UGT1A6: variants seen among roughly 807,000 people sequenced by gnomAD.
The protein encoded by UGT1A6 is UDP-glucuronosyltransferase 1A6.
In UGT1A6, 32 loss-of-function variants were observed where a neutral mutation model predicts 44.4. The ratio of observed to expected loss-of-function variants is 0.72; its 90% CI spans 0.54 to 0.97. UGT1A6 has a LOEUF of 0.97. Ranked by LOEUF, UGT1A6 falls within the 50% of genes least tolerant of loss-of-function variation. UGT1A6 has a pLI of 0.00. For missense variants in UGT1A6, 685 were observed against 661.9 expected, an observed-to-expected ratio of 1.03 and a Z score of -0.38; for synonymous variants, 238 against 248.5, an observed-to-expected ratio of 0.96 and a Z score of 0.40.
At chr2:233,743,823 G>C (rs752406673) in intron 1 of UGT1A6, 36 of 1,367,252 alleles carry the variant, frequency 2.6e-5, no homozygotes, top group Non-Finnish European at 3.4e-5. Flanking sequence ...TTTTTGTCGG[G>C]GTGCCACTTG....
chr2:233,746,992 G>A (rs1559391678), intron 1 of UGT1A6, among the ~76,000 whole-genome samples: 2 of 151,858 alleles, frequency 1.3e-5, no homozygotes, highest in Non-Finnish European at 2.9e-5. Context: ...AGGGTCAGAT[G>A]AGTTTTTCAA....
intron 1 of UGT1A6, among the ~76,000 whole-genome samples, chr2:233,740,284 G>A (rs932768125): frequency 2.0e-5 from 3 of 151,852 alleles, no homozygotes; most frequent in African/African-American, 7.3e-5. Flanking sequence ...ATACTGAAAG[G>A]GTTTAAAGGA....
At chr2:233,701,728 C>G (rs1007871533) in intron 1 of UGT1A6, among the ~76,000 whole-genome samples, 2 of 152,192 alleles carry the variant, frequency 1.3e-5, no homozygotes, top group Non-Finnish European at 2.9e-5. Context: ...ACTGAACAAC[C>G]TGCTCCTGAA....
At chr2:233,734,548 T>C (rs1157329537) in intron 1 of UGT1A6, among the ~76,000 whole-genome samples, 1 of 152,212 alleles carries the variant, frequency 6.6e-6, no homozygotes, top group Non-Finnish European at 1.5e-5. Context: ...TTTCTTCCCT[T>C]CTGCTAGCTT....
chr2:233,696,103 A>G (rs2075324442), intron 1 of UGT1A6, among the ~76,000 whole-genome samples: 1 of 152,246 alleles, frequency 6.6e-6, no homozygotes, highest in South Asian at 2.1e-4. Flanking sequence ...AAAACAAAAC[A>G]AAACAAAAAG....
At chr2:233,764,417 G>A (rs986717948) in intron 1 of UGT1A6, among the ~76,000 whole-genome samples, 1 of 152,168 alleles carries the variant, frequency 6.6e-6, no homozygotes, top group African/African-American at 2.4e-5. Context: ...TTTGCCCTGC[G>A]TGAATCTCCA....
intron 1 of UGT1A6, among the ~76,000 whole-genome samples, chr2:233,735,934 C>T (rs2078711337): frequency 6.6e-6 from 1 of 152,038 alleles, no homozygotes; most frequent in South Asian, 2.1e-4. Context: ...TCTGTGGCTG[C>T]CCTTAACATT....
chr2:233,704,663 T>A (rs1022501388), intron 1 of UGT1A6, among the ~76,000 whole-genome samples: 1 of 152,200 alleles, frequency 6.6e-6, no homozygotes, highest in Non-Finnish European at 1.5e-5. Flanking sequence ...GTTCTTTTCC[T>A]TTGTTCTTAT....
Position 233,767,859 on chromosome 2 carries a change from G to T in UGT1A6, c.1004G>T (p.Arg335Leu). Residue 335 changes from arginine (R) to leucine (L), a missense_variant, in exon 3 of 5, where the codon CGG becomes CTG. Arg to Leu is a moderately radical substitution (Grantham distance 102, BLOSUM62 -2). Coordinates refer to ENST00000305139, the MANE Select transcript of UGT1A6 (RefSeq NM_001072.4). ...TTTTGCCCCTCCCAGGTCCTGTGGC[G>T]GTACACTGGAACCCGACCATCGAAT... ...LGKIPQTVLW[R>L]YTGTRPSNLA... 6.2e-7 allele frequency: 1 copy of T among 1,614,058 alleles called. No individual in the cohort carries two copies.
At position 233,769,699 on chromosome 2, in the gene UGT1A6, A is replaced by G. The variant is rs1699920777; in HGVS notation, c.1301+1260A>G. On this transcript the variant is annotated intron_variant, in intron 4 of 4. Transcript: ENST00000305139. The surrounding 1 kb of genome is among the most constrained non-coding windows in gnomAD (Gnocchi z 4.4). ...TGTGTGTGGTGGCACTGGATAAAAG[A>G]TCAATGTTGGCTAGGCACCATGGCA... 4 of 1,529,942 alleles carry G rather than the reference A, an allele frequency of 2.6e-6. No individual in the cohort carries two copies. The South Asian group carries it at 3.8e-5, about 14-fold the overall frequency. 94.8% of individuals were successfully genotyped at this position (1,529,942 alleles called of 1,614,324 possible). A position where few individuals can be genotyped will look rare whatever the true frequency, so the allele number is the denominator to read the frequency against.
rs546167427 is a variant in UGT1A6 at position 233,696,575 on chromosome 2, A to C, written c.861+2710A>C. On this transcript the variant is annotated intron_variant, in intron 1 of 4. Transcript: ENST00000305139. ...ATTATGTCATCTGAGAACAAGAATA[A>C]TTTGACTTCTTCCTTTCCAACTTGG... is the stretch of plus-strand genomic sequence containing the variant. 7.2e-5 allele frequency among the ~76,000 whole-genome samples: 11 copies of C among 151,962 alleles called. No individual in the cohort carries two copies. The South Asian group carries it at 1.3e-3, about 17-fold the overall frequency.
In UGT1A6 at chr2:233,719,505, G is replaced by T. The variant is rs1559364966; in HGVS notation, c.861+25640G>T. ...GTCCTACATTTGCCATACTTTTTCT[G>T]CCCCTTATGCAAGTCTTGCCTCTGA... On this transcript the variant is annotated intron_variant, in intron 1 of 4. Transcript: ENST00000305139. The T allele has an allele frequency of 1.9e-6, 3 of 1,613,876 alleles. No individual in the cohort carries two copies. Among genetic ancestry groups the T allele is most frequent in the Non-Finnish European group, 2.5e-6 (3 of 1,179,860 alleles).
chr2:233,693,300 T>G lies in UGT1A6; in HGVS notation c.296T>G (p.Phe99Cys). 6.2e-7 allele frequency: 1 copy of G among 1,614,182 alleles called. No individual in the cohort carries two copies. The highest frequency in any genetic ancestry group is 2.2e-5 in the East Asian group (1 of 44,892). ...NRYQSFGNNH[F>C]AERSFLTAPQ... ...TACCAATCATTTGGAAACAATCACT[T>G]TGCTGAGCGATCATTCCTAACTGCT... Residue 99 changes from phenylalanine (F) to cysteine (C), a missense_variant, in exon 1 of 5, where the codon TTT becomes TGT. Physicochemically the swap from Phe to Cys is radical, Grantham distance 205. Coordinates refer to ENST00000305139, the MANE Select transcript of UGT1A6 (RefSeq NM_001072.4).
chr2:233,767,291 C>T (rs1383202700), intron 2 of UGT1A6, 126 bp downstream of exon 2: 1 of 1,553,770 alleles, frequency 6.4e-7, no homozygotes, highest in African/African-American at 1.4e-5. Context: ...CACTTCCCAA[C>T]TATTAATCCA....
At chr2:233,755,221 C>T (rs1695818847) in intron 1 of UGT1A6, 1 of 995,834 alleles carries the variant, frequency 1.0e-6, no homozygotes. Context: ...TTGATACCCT[C>T]GGACGAGGCC....
Position 233,693,624 on chromosome 2 carries a change from A to C in UGT1A6, c.620A>C (p.Gln207Pro). 6.2e-7 allele frequency: 1 copy of C among 1,614,160 alleles called. No homozygotes were observed. The highest frequency in any genetic ancestry group is 8.5e-7 in the Non-Finnish European group (1 of 1,180,004). The change falls in exon 1 of 5, where the codon CAA becomes CCA. Residue 207 changes from glutamine (Q) to proline (P), a missense_variant. Gln to Pro is a moderately conservative substitution (Grantham distance 76, BLOSUM62 -1). Transcript: ENST00000305139. ...TKFSDHMTFSQRVANFLVNLL... is the reference protein window; with the variant it reads ...TKFSDHMTFSPRVANFLVNLL... ...TTTTCAGACCACATGACTTTTTCCC[A>C]ACGAGTGGCCAACTTCCTTGTTAAT...
At chr2:233,761,167 G>A in intron 1 of UGT1A6, 1 of 1,614,098 alleles carries the variant, frequency 6.2e-7, no homozygotes. Context: ...TATTGGAGTG[G>A]GACTTTTACA....
chr2:233,719,347 T>C, intron 1 of UGT1A6: 1 of 1,613,896 alleles, frequency 6.2e-7, no homozygotes, highest in Non-Finnish European at 8.5e-7. Flanking sequence ...TGGAGGTACA[T>C]TCCATGTGAC....
rs897493139 is a variant in UGT1A6, at chr2:233,718,976, T to C, written c.861+25111T>C. ...TGCGGGAGGCCTTGCGGGAGCTCCATGCCAGAGGCCACCAGGCGGTGGTCC... is the reference window on the plus strand; with the variant it reads ...TGCGGGAGGCCTTGCGGGAGCTCCACGCCAGAGGCCACCAGGCGGTGGTCC... On this transcript the variant is annotated intron_variant, in intron 1 of 4. Coordinates refer to ENST00000305139, the MANE Select transcript of UGT1A6 (RefSeq NM_001072.4). 8 of 1,614,114 alleles carry C rather than the reference T, an allele frequency of 5.0e-6. No individual in the cohort carries two copies. In the Admixed American group the frequency reaches 1.3e-4, roughly 27 times the overall value.
Sources: allele counts gnomAD v4.1 joint callset (sites outside exome capture counted in the v4.1 genomes callset), GRCh38; gene constraint gnomAD v4.1.1; non-coding constraint Gnocchi (gnomAD v3.1); transcripts MANE v1.5; gene names NCBI Gene and HGNC (gene_info 2026-07-23, HGNC 2026-07-21).